The following LZIC variants were observed in gnomAD, a reference collection of about 807,000 sequenced individuals.
LZIC encodes the protein protein LZIC.
In LZIC, 28 loss-of-function variants were observed where a neutral mutation model predicts 25.4. The ratio of observed to expected loss-of-function variants is 1.10; its 90% CI spans 0.82 to 1.51. The LOEUF (loss-of-function observed/expected upper bound fraction) is 1.51. LZIC is among the 40% of genes most tolerant of loss of function. The pLI, the probability that LZIC is intolerant of heterozygous loss-of-function variation, is 0.00. For missense variants in LZIC, 170 were observed against 211.1 expected (o/e 0.81, Z 1.21); for synonymous variants, 65 against 70.7 (o/e 0.92, Z 0.40).
chr1:9,924,248 C>T (rs1639926778), downstream of LZIC, among the ~76,000 whole-genome samples: 2 of 152,200 alleles, frequency 1.3e-5, no homozygotes, highest in South Asian at 4.1e-4. Context: ...AAACAAACCT[C>T]TACAGGGATG....
chr1:9,930,720 T>A (rs960759550), intron 7 of LZIC, among the ~76,000 whole-genome samples: 2 of 152,126 alleles, frequency 1.3e-5, no homozygotes, highest in African/African-American at 2.4e-5. Flanking sequence ...TTAATTTATT[T>A]ATTTATTTAT....
intron 2 of LZIC, among the ~76,000 whole-genome samples, chr1:9,939,305 A>G (rs1357797371): frequency 6.9e-6 from 1 of 145,650 alleles, no homozygotes; most frequent in Non-Finnish European, 1.5e-5. Context: ...CAAATGATCC[A>G]CTCACCCCAG....
At position 9,927,040 on chromosome 1, in the gene LZIC, T is replaced by C. The variant is rs1640008043; in HGVS notation, c.*3359A>G. 6.6e-6 allele frequency among the ~76,000 whole-genome samples: 1 copy of C among 152,158 alleles called. No individual in the cohort carries two copies. Among genetic ancestry groups the C allele is most frequent in the South Asian group, 2.1e-4 (1 of 4,832 alleles). ...AACAGAGGGGAATGCATAATAATCC[T>C]ATGAGGTAGGCCCTATTATCCTCAT... is the stretch of plus-strand genomic sequence containing the variant. On this transcript the variant is annotated 3_prime_UTR_variant, in exon 8 of 8. Coordinates refer to ENST00000377223, the MANE Select transcript of LZIC (RefSeq NM_032368.5).
intron 1 of LZIC, 120 bp downstream of exon 1, chr1:9,943,124 TCCCAC>T: frequency 5.8e-6 from 1 of 173,742 alleles, no homozygotes; most frequent in African/African-American, 2.3e-5. Flanking sequence ...CCGCAGCAAA[TCCCAC>T]CCCACGCGGG....
Position 9,936,534 on chromosome 1 carries a change from T to C in LZIC, c.86A>G (p.Asp29Gly). 6.2e-7 allele frequency: 1 copy of C among 1,611,440 alleles called. No individual in the cohort carries two copies. The highest frequency in any genetic ancestry group is 8.5e-7 in the Non-Finnish European group (1 of 1,177,674). The change falls in exon 3 of 8, where the codon GAT becomes GGT. Residue 29 changes from aspartate to glycine, a missense_variant. Asp to Gly is a moderately conservative substitution (Grantham distance 94). Coordinates refer to ENST00000377223, the MANE Select transcript of LZIC (RefSeq NM_032368.5). ...QLDRLMQQLQ[D>G]LEECREELDT... is the part of the protein sequence containing the mutation. ...AAACTCTTACCTGCATTCCTCCAGATCTTGTAATTGTTGCATGAGTCTATC... is the reference window on the plus strand; with the variant it reads ...AAACTCTTACCTGCATTCCTCCAGACCTTGTAATTGTTGCATGAGTCTATC...
chr1:9,932,035 G>T, intron 6 of LZIC, 63 bp from the exon 7 acceptor site: 1 of 1,186,666 alleles, frequency 8.4e-7, no homozygotes, highest in Non-Finnish European at 1.2e-6. Flanking sequence ...CTAGAAACCA[G>T]GTAAGAATGT....
chr1:9,933,806 C>G (rs962322011), intron 5 of LZIC, among the ~76,000 whole-genome samples: 28 of 151,858 alleles, frequency 1.8e-4, no homozygotes, highest in African/African-American at 6.8e-4. Flanking sequence ...ACTTGAGGGG[C>G]TGAGATGGGA....
chr1:9,939,115 T>C (rs1366557406), intron 2 of LZIC, among the ~76,000 whole-genome samples: 6 of 152,200 alleles, frequency 3.9e-5, no homozygotes. Context: ...TCTTGCTCTG[T>C]CGCCCCGACT....
Position 9,928,651 on chromosome 1 carries a change from T to C in LZIC, c.*1748A>G, listed in dbSNP as rs570927730. On this transcript the variant is annotated 3_prime_UTR_variant, in exon 8 of 8. Transcript: ENST00000377223. ...CAGCACTTTGGGAGGCCGAGGCAGT[T>C]GGATCACCTGAGGTCAGCTCAGGAC... Among the ~76,000 whole-genome samples the C allele has an allele frequency of 8.1e-4, 124 of 152,148 alleles. No individual in the cohort carries two copies. Among genetic ancestry groups the C allele is most frequent in the Non-Finnish European group, 1.3e-3 (88 of 67,996 alleles).
At chr1:9,936,909 A>T (rs989108309) in intron 2 of LZIC, among the ~76,000 whole-genome samples, 1 of 152,162 alleles carries the variant, frequency 6.6e-6, no homozygotes, top group Admixed American at 6.5e-5. Flanking sequence ...AGGCGGGTGG[A>T]TCACAAGGTC....
At chr1:9,931,009 G>A (rs1056371073) in intron 7 of LZIC, among the ~76,000 whole-genome samples, 1 of 151,128 alleles carries the variant, frequency 6.6e-6, no homozygotes, top group Non-Finnish European at 1.5e-5. Context: ...TTGAGCCACC[G>A]CACCTGGCCA....
downstream of LZIC, among the ~76,000 whole-genome samples, chr1:9,924,828 G>C (rs1639940479): frequency 6.6e-6 from 1 of 152,102 alleles, no homozygotes; most frequent in Non-Finnish European, 1.5e-5. Flanking sequence ...TGACAATTTA[G>C]TAGTGACCAA....
chr1:9,932,687 A>AG, intron 6 of LZIC, 116 bp downstream of exon 6: 2 of 338,068 alleles, frequency 5.9e-6, no homozygotes, highest in Non-Finnish European at 1.0e-5. Context: ...CCGTCTCAGA[A>AG]AAAAAAAAAA....
Position 9,930,401 on chromosome 1 carries a change from AT to A in LZIC, c.570del (p.Lys190AsnfsTer16), listed in dbSNP as rs753028254. 1 of 1,613,686 alleles carries A rather than the reference AT, an allele frequency of 6.2e-7. No homozygotes were observed. The highest frequency in any genetic ancestry group is 1.3e-5 in the African/African-American group (1 of 75,026). On this transcript the variant is annotated frameshift_variant, in exon 8 of 8. Transcript: ENST00000377223. LOFTEE classifies it high-confidence loss of function. ...LASFEVEKTK[K>X] ...ATGTTACAAGCTTCTGCACCATGTC[AT>A]TTTTTTGTTTTTTCAACCTCAAAAC...
Position 9,929,122 on chromosome 1 carries a change from C to G in LZIC, c.*1277G>C, listed in dbSNP as rs1437847983. The G allele has an allele frequency of 5.3e-6, 1 of 187,336 alleles. No homozygotes were observed. The highest frequency in any genetic ancestry group is 1.0e-5 in the Non-Finnish European group (1 of 100,314). 11.6% of individuals were successfully genotyped at this position (187,336 alleles called of 1,614,324 possible). On this transcript the variant is annotated 3_prime_UTR_variant, in exon 8 of 8. Transcript: ENST00000377223. ...ACTAGAGAGTAGTGATGGTTGCACA[C>G]CACTGTAAATGTTCTGCCAACGAAT...
intron 2 of LZIC, among the ~76,000 whole-genome samples, chr1:9,941,262 T>C (rs1640717651): frequency 6.6e-6 from 1 of 152,094 alleles, no homozygotes; most frequent in Non-Finnish European, 1.5e-5. Context: ...TGGCATGATC[T>C]TGGTTCACTG....
In LZIC at chr1:9,928,034, G is replaced by A. The variant is rs148211278; in HGVS notation, c.*2365C>T. ...TAGGCTGGGTGTGGTGGCTCAGGCC[G>A]GGTATGGTGGCTCATGCCTGTAATC... is the stretch of plus-strand genomic sequence containing the variant. On this transcript the variant is annotated 3_prime_UTR_variant, in exon 8 of 8. Transcript: ENST00000377223. Among the ~76,000 whole-genome samples, 117 of 152,144 alleles carry A rather than the reference G, an allele frequency of 7.7e-4. No individual in the cohort carries two copies. Among genetic ancestry groups the A allele is most frequent in the Non-Finnish European group, 1.2e-3 (83 of 68,000 alleles).
chr1:9,939,204 A>G (rs1217437579), intron 2 of LZIC, among the ~76,000 whole-genome samples: 2 of 151,584 alleles, frequency 1.3e-5, no homozygotes, highest in East Asian at 3.9e-4. Context: ...CAGCCTCTTG[A>G]GTGCGTGCCA....
Position 9,935,470 on chromosome 1 carries a change from G to A in LZIC, c.237+22C>T, listed in dbSNP as rs1295056250. On this transcript the variant is annotated intron_variant, in intron 4 of 7. Transcript: ENST00000377223. ...AACAAAAAAACAAAGTCTGTCCTCT[G>A]TCGCCTATATGTTATACTTACCAGC... 2.5e-6 allele frequency: 4 copies of A among 1,574,544 alleles called. No individual in the cohort carries two copies. The Admixed American group carries it at 6.1e-5, about 24-fold the overall frequency.
Sources: allele counts gnomAD v4.1 joint callset (sites outside exome capture counted in the v4.1 genomes callset), GRCh38; gene constraint gnomAD v4.1.1; transcripts MANE v1.5; gene names NCBI Gene and HGNC (gene_info 2026-07-23, HGNC 2026-07-21).